TULP4: variants seen among roughly 807,000 people sequenced by gnomAD.
TULP4 encodes the protein tubby-related protein 4.
A neutral mutation model predicts 129.0 loss-of-function variants in TULP4; 16 were observed. The observed-to-expected ratio is 0.12, with a 90% CI of 0.08 to 0.19. The LOEUF (loss-of-function observed/expected upper bound fraction) is 0.19, where lower values mean the gene tolerates loss of function less well. TULP4 is among the 10% of genes least tolerant of loss of function. TULP4 has a pLI of 1.00. For synonymous variants in TULP4, 998 were observed against 854.0 expected (o/e 1.17, Z -2.94); for missense variants, 1,842 against 2,059.1 (o/e 0.89, Z 2.04).
chr6:158,365,117 A>AT (rs1780900490), intron 1 of TULP4, among the ~76,000 whole-genome samples: 1 of 151,796 alleles, frequency 6.6e-6, no homozygotes, highest in Non-Finnish European at 1.5e-5. Context: ...ATTATGGCAC[A>AT]TTTTTAGCGT....
chr6:158,374,529 G>T (rs1344893213), intron 1 of TULP4, among the ~76,000 whole-genome samples: 2 of 152,136 alleles, frequency 1.3e-5, no homozygotes, highest in Admixed American at 6.5e-5. Flanking sequence ...GAGTGCAGGG[G>T]TTTTGCTTCT....
chr6:158,445,376 G>A (rs1023374917), intron 3 of TULP4, among the ~76,000 whole-genome samples: 1 of 152,160 alleles, frequency 6.6e-6, no homozygotes, highest in Non-Finnish European at 1.5e-5. Flanking sequence ...AGTTTTATGG[G>A]AGGATTTGAG....
chr6:158,425,462 G>C (rs541775598), intron 2 of TULP4, among the ~76,000 whole-genome samples: 28 of 140,090 alleles, frequency 2.0e-4, no homozygotes, highest in African/African-American at 7.3e-4. Flanking sequence ...GTGGTGAGCT[G>C]TGATCGTGCC....
chr6:158,252,304 T>C (rs1778156265), intron 1 of TULP4, among the ~76,000 whole-genome samples: 1 of 150,804 alleles, frequency 6.6e-6, no homozygotes, highest in Admixed American at 6.6e-5. Context: ...AAAGTCTTTT[T>C]CCCATAGAAT....
At chr6:158,369,537 A>G (rs1342263649) in intron 1 of TULP4, among the ~76,000 whole-genome samples, 1 of 152,092 alleles carries the variant, frequency 6.6e-6, no homozygotes, top group Non-Finnish European at 1.5e-5. Flanking sequence ...TCTGATTCAC[A>G]ATGAGGCAGA....
At chr6:158,425,120 CTCCAGCCTG>C (rs751000666) in intron 2 of TULP4, among the ~76,000 whole-genome samples, 43 of 123,654 alleles carry the variant, frequency 3.5e-4, no homozygotes, top group Non-Finnish European at 3.3e-4. Context: ...TGCCACTGGA[CTCCAGCCTG>C]GGTGGCAGAG....
intron 5 of TULP4, among the ~76,000 whole-genome samples, chr6:158,460,284 G>C (rs1779395479): frequency 6.6e-6 from 1 of 152,216 alleles, no homozygotes. Context: ...TGTGTGTGCT[G>C]ATAGAGCCCG....
chr6:158,338,246 CTCTTCCAAAGTGCTGGAATTATAGTCAG>C (rs1456711201), intron 1 of TULP4, among the ~76,000 whole-genome samples: 4 of 152,198 alleles, frequency 2.6e-5, no homozygotes, highest in African/African-American at 7.2e-5. Context: ...TCAAGTAATC[CTCTTCCAAAGTGCTGGAATTATAGTCAG>C]TCTTCCAAAG....
chr6:158,282,172 T>C (rs1778766665), upstream of TULP4: 1 of 152,226 alleles, frequency 6.6e-6, no homozygotes, highest in Non-Finnish European at 1.5e-5. Flanking sequence ...AAAACAACAG[T>C]GCATGTTCAT....
chr6:158,496,256 G>A (rs1780336161), intron 11 of TULP4, among the ~76,000 whole-genome samples: 1 of 152,258 alleles, frequency 6.6e-6, no homozygotes, highest in African/African-American at 2.4e-5. Context: ...TGAGCGTGCT[G>A]TGCGTAACCT....
chr6:158,282,559 T>A (rs1778772605), intron 1 of TULP4, among the ~76,000 whole-genome samples: 1 of 151,296 alleles, frequency 6.6e-6, no homozygotes, highest in African/African-American at 2.4e-5. Context: ...ACTCTTTGAT[T>A]TGAGGTAATG....
At chr6:158,248,286 T>C (rs949199125) in intron 1 of TULP4, among the ~76,000 whole-genome samples, 1 of 149,288 alleles carries the variant, frequency 6.7e-6, no homozygotes, top group African/African-American at 2.6e-5. Context: ...TTTTTTTTTC[T>C]TGAGACGGAG....
intron 2 of TULP4, among the ~76,000 whole-genome samples, chr6:158,415,671 T>A (rs1778192739): frequency 6.7e-6 from 1 of 149,606 alleles, no homozygotes; most frequent in African/African-American, 2.5e-5. Flanking sequence ...CTTCTACTTA[T>A]TAAAAAAAAA....
At chr6:158,251,787 G>A (rs1321523392) in intron 1 of TULP4, among the ~76,000 whole-genome samples, 3 of 152,210 alleles carry the variant, frequency 2.0e-5, no homozygotes, top group African/African-American at 7.2e-5. Context: ...ACAGTGCAGA[G>A]TCTTTGTACT....
chr6:158,302,723 C>T (rs1307881032), intron 1 of TULP4, among the ~76,000 whole-genome samples: 1 of 152,094 alleles, frequency 6.6e-6, no homozygotes, highest in Non-Finnish European at 1.5e-5. Context: ...TCCTTCATGT[C>T]TTGGACCGAG....
intron 1 of TULP4, among the ~76,000 whole-genome samples, chr6:158,235,608 G>T (rs1404161792): frequency 6.6e-6 from 1 of 152,128 alleles, no homozygotes; most frequent in Non-Finnish European, 1.5e-5. Flanking sequence ...TAGGCCTCCC[G>T]AAGTGCTTGG....
intron 1 of TULP4, among the ~76,000 whole-genome samples, chr6:158,260,605 T>C (rs1479559185): frequency 6.6e-6 from 1 of 151,264 alleles, no homozygotes; most frequent in Non-Finnish European, 1.5e-5. Flanking sequence ...TCATTAGTGT[T>C]TAAGCCTTCT....
intron 1 of TULP4, chr6:158,237,526 G>T: frequency 1.3e-6 from 2 of 1,558,862 alleles, no homozygotes; most frequent in Non-Finnish European, 1.8e-6. Context: ...TTCAGATGAA[G>T]CTCCTGCAGT....
intron 1 of TULP4, among the ~76,000 whole-genome samples, chr6:158,297,270 C>T (rs1352965629): frequency 6.6e-6 from 1 of 152,166 alleles, no homozygotes; most frequent in African/African-American, 2.4e-5. Context: ...AAAAATATGG[C>T]TGTATTCTGC....
Sources: allele counts gnomAD v4.1 joint callset (sites outside exome capture counted in the v4.1 genomes callset), GRCh38; gene constraint gnomAD v4.1.1; transcripts MANE v1.5; gene names NCBI Gene and HGNC (gene_info 2026-07-23, HGNC 2026-07-21).